The following CNTNAP5 variants were observed in gnomAD, a reference collection of about 807,000 sequenced individuals.
CNTNAP5 encodes the protein contactin associated protein family member 5, also known as contactin-associated protein-like 5.
A neutral mutation model predicts 150.2 loss-of-function variants in CNTNAP5; 72 were observed. The observed-to-expected ratio is 0.48, with a 90% CI of 0.40 to 0.58. The LOEUF (loss-of-function observed/expected upper bound fraction) is 0.58, where lower values mean the gene tolerates loss of function less well. Ranked by LOEUF, CNTNAP5 falls within the 20% of genes least tolerant of loss-of-function variation. The pLI is 0.00. For missense variants in CNTNAP5, 1,636 were observed against 1,626.2 expected, an observed-to-expected ratio of 1.01 and a Z score of -0.10; for synonymous variants, 672 against 619.8, an observed-to-expected ratio of 1.08 and a Z score of -1.25.
intron 3 of CNTNAP5, among the ~76,000 whole-genome samples, chr2:124,343,858 T>C (rs1179120310): frequency 6.6e-6 from 1 of 152,190 alleles, no homozygotes; most frequent in African/African-American, 2.4e-5. Flanking sequence ...AGCCCTGGCT[T>C]CTGGTGAAAG....
At chr2:124,069,487 G>A (rs1682247297) in intron 1 of CNTNAP5, among the ~76,000 whole-genome samples, 1 of 152,116 alleles carries the variant, frequency 6.6e-6, no homozygotes, top group African/African-American at 2.4e-5. Context: ...CTAGGGACTT[G>A]AATAAACATA....
At chr2:124,705,134 T>C (rs1337851494) in intron 13 of CNTNAP5, among the ~76,000 whole-genome samples, 2 of 152,226 alleles carry the variant, frequency 1.3e-5, no homozygotes, top group African/African-American at 4.8e-5. Flanking sequence ...ACACACACTT[T>C]TTTTAATAGA....
At chr2:124,457,477 A>G (rs529176816) in intron 6 of CNTNAP5, among the ~76,000 whole-genome samples, 1 of 152,262 alleles carries the variant, frequency 6.6e-6, no homozygotes, top group East Asian at 1.9e-4. Context: ...AAAAGAAAAC[A>G]TCAAAAAGTG....
At chr2:124,790,193 G>C (rs898116913) in intron 18 of CNTNAP5, 52 bp downstream of exon 18, 3 of 1,522,862 alleles carry the variant, frequency 2.0e-6, no homozygotes, top group Non-Finnish European at 1.8e-6. Flanking sequence ...TCACCTATAC[G>C]CTATGGTCAG....
intron 3 of CNTNAP5, among the ~76,000 whole-genome samples, chr2:124,277,394 C>T (rs1246994144): frequency 6.6e-6 from 1 of 151,996 alleles, no homozygotes; most frequent in Non-Finnish European, 1.5e-5. Context: ...CCATATGAGT[C>T]CTATAAACAG....
At chr2:124,880,460 T>C (rs1476368045) in intron 21 of CNTNAP5, among the ~76,000 whole-genome samples, 1 of 152,176 alleles carries the variant, frequency 6.6e-6, no homozygotes, top group African/African-American at 2.4e-5. Flanking sequence ...ATCAATCATA[T>C]ATAAGACTTG....
intron 10 of CNTNAP5, among the ~76,000 whole-genome samples, chr2:124,550,951 T>C (rs572590468): frequency 5.3e-5 from 8 of 152,274 alleles, no homozygotes; most frequent in African/African-American, 1.9e-4. Context: ...TGCATGATGC[T>C]GATACATTCT....
intron 12 of CNTNAP5, among the ~76,000 whole-genome samples, chr2:124,627,400 C>T (rs1431625377): frequency 6.6e-6 from 1 of 152,060 alleles, no homozygotes; most frequent in Non-Finnish European, 1.5e-5. Context: ...CTTTGCTGTT[C>T]TGCAGCTTGT....
chr2:124,588,471 G>C (rs1278849129), intron 11 of CNTNAP5, among the ~76,000 whole-genome samples: 3 of 151,900 alleles, frequency 2.0e-5, no homozygotes, highest in Non-Finnish European at 4.4e-5. Flanking sequence ...CAATACTTTA[G>C]AAGGTGTGTG....
chr2:124,264,995 C>T (rs1687569493), intron 3 of CNTNAP5, among the ~76,000 whole-genome samples: 1 of 152,140 alleles, frequency 6.6e-6, no homozygotes, highest in African/African-American at 2.4e-5. Flanking sequence ...TAACACAGAC[C>T]TCCTAAGAGA....
At chr2:124,836,046 A>G (rs1199878396) in intron 19 of CNTNAP5, among the ~76,000 whole-genome samples, 2 of 152,108 alleles carry the variant, frequency 1.3e-5, no homozygotes, top group Non-Finnish European at 2.9e-5. Flanking sequence ...ATGGTAAGAA[A>G]CTGCACCTTT....
In CNTNAP5 at chr2:124,057,911, A is replaced by G. The variant is rs544284505; in HGVS notation, c.82+32179A>G. On this transcript the variant is annotated intron_variant, in intron 1 of 23. Transcript: ENST00000682447. ...CACCCTGCTGGGATCATTATGCACT[A>G]TATGCTTGTATCAAAGTATCTCATA... Among the ~76,000 whole-genome samples the G allele has an allele frequency of 3.9e-5, 6 of 152,202 alleles. No homozygotes were observed. The East Asian group carries it at 7.8e-4, about 20-fold the overall frequency.
intron 3 of CNTNAP5, among the ~76,000 whole-genome samples, chr2:124,257,534 C>A (rs1183646397): frequency 6.6e-6 from 1 of 152,164 alleles, no homozygotes; most frequent in Non-Finnish European, 1.5e-5. Flanking sequence ...ACGTCTCCAC[C>A]TTCTGTAAAT....
chr2:124,071,588 T>C (rs1036957444), intron 1 of CNTNAP5, among the ~76,000 whole-genome samples: 1 of 151,608 alleles, frequency 6.6e-6, no homozygotes. Context: ...TGACTATACA[T>C]CAATAAATTG....
At chr2:124,036,626 A>C (rs1681228728) in intron 1 of CNTNAP5, among the ~76,000 whole-genome samples, 1 of 152,108 alleles carries the variant, frequency 6.6e-6, no homozygotes, top group Admixed American at 6.5e-5. Context: ...GAAACCAAGC[A>C]GATTGGAATG....
chr2:124,380,437 G>A (rs1407877672), intron 3 of CNTNAP5, among the ~76,000 whole-genome samples: 1 of 152,106 alleles, frequency 6.6e-6, no homozygotes, highest in East Asian at 1.9e-4. Flanking sequence ...TTTGTACTCT[G>A]GTGAAGAGAG....
At chr2:124,834,844 A>T (rs1682796782) in intron 19 of CNTNAP5, among the ~76,000 whole-genome samples, 3 of 151,680 alleles carry the variant, frequency 2.0e-5, no homozygotes, top group Admixed American at 2.0e-4. Context: ...AGTACATGCA[A>T]AAAGAAGAAA....
intron 2 of CNTNAP5, among the ~76,000 whole-genome samples, chr2:124,234,261 G>A (rs1686693463): frequency 1.3e-5 from 2 of 152,136 alleles, no homozygotes; most frequent in South Asian, 2.1e-4. Flanking sequence ...GAGTTAGAGT[G>A]TATTGATTTG....
chr2:124,749,694 G>A (rs113478950), intron 14 of CNTNAP5, among the ~76,000 whole-genome samples: 19 of 152,124 alleles, frequency 1.2e-4, no homozygotes, highest in Non-Finnish European at 1.8e-4. Flanking sequence ...GATTACAGGC[G>A]TGAGCCAACG....
Sources: allele counts gnomAD v4.1 joint callset (sites outside exome capture counted in the v4.1 genomes callset), GRCh38; gene constraint gnomAD v4.1.1; transcripts MANE v1.5; gene names NCBI Gene and HGNC (gene_info 2026-07-23, HGNC 2026-07-21).